LIN28B: variants seen among roughly 807,000 people sequenced by gnomAD.
LIN28B encodes the protein lin-28 RNA binding posttranscriptional regulator B, also known as protein lin-28 homolog B.
In LIN28B, 5 loss-of-function variants were observed where a neutral mutation model predicts 21.9. That is an observed-to-expected ratio of 0.23 (90% CI 0.12 to 0.48). LIN28B has a LOEUF of 0.48. LIN28B is among the 20% of genes least tolerant of loss of function. The probability of loss-of-function intolerance (pLI) is 0.98; values close to 1 mark genes in which losing one functional copy is unlikely to be tolerated. For missense variants in LIN28B, 245 were observed against 310.5 expected (o/e 0.79, Z 1.58); for synonymous variants, 109 against 111.3 (o/e 0.98, Z 0.13).
upstream of LIN28B, among the ~76,000 whole-genome samples, chr6:104,953,830 G>C (rs776344723): frequency 6.6e-6 from 1 of 152,146 alleles, no homozygotes; most frequent in African/African-American, 2.4e-5. Context: ...GTCACTTGCC[G>C]CATTGCCACA....
At chr6:105,041,121 A>G (rs1368819463) in intron 3 of LIN28B, among the ~76,000 whole-genome samples, 2 of 151,760 alleles carry the variant, frequency 1.3e-5, no homozygotes, top group African/African-American at 4.8e-5. Flanking sequence ...CATGTTGCCC[A>G]GGCTGTTCTT....
rs76024530 is a variant in LIN28B at position 105,045,200 on chromosome 6, A to G, written c.383+18718A>G. On this transcript the variant is annotated intron_variant, in intron 3 of 3. Coordinates refer to ENST00000345080, the MANE Select transcript of LIN28B (RefSeq NM_001004317.4). ...AGGTAAGCCTGTTTAAATCCTGAGT[A>G]TTCCTAAATCCACTCACTTATATTT... is the stretch of plus-strand genomic sequence containing the variant. Among the ~76,000 whole-genome samples, 720 of 151,462 alleles carry G rather than the reference A, an allele frequency of 4.8e-3. 7 individuals are homozygous for G. Among genetic ancestry groups the G allele is most frequent in the African/African-American group, 0.017 (690 of 41,270 alleles).
At chr6:105,032,573 A>T (rs1771446050) in intron 3 of LIN28B, among the ~76,000 whole-genome samples, 1 of 151,968 alleles carries the variant, frequency 6.6e-6, no homozygotes, top group Non-Finnish European at 1.5e-5. Flanking sequence ...AAAAGTAAAA[A>T]AATTAGCTGG....
intron 2 of LIN28B, among the ~76,000 whole-genome samples, chr6:104,938,200 T>A (rs570461961): frequency 6.6e-6 from 1 of 151,546 alleles, no homozygotes; most frequent in Non-Finnish European, 1.5e-5. Flanking sequence ...GCTAGGAAGG[T>A]ACTATTGTAC....
At chr6:105,065,076 A>G (rs1422564786) in intron 3 of LIN28B, among the ~76,000 whole-genome samples, 3 of 152,168 alleles carry the variant, frequency 2.0e-5, no homozygotes, top group African/African-American at 7.2e-5. Flanking sequence ...TCCCATACTT[A>G]CCTTCAGATT....
chr6:104,960,808 A>G (rs892115996), intron 2 of LIN28B, among the ~76,000 whole-genome samples: 1 of 152,156 alleles, frequency 6.6e-6, no homozygotes, highest in African/African-American at 2.4e-5. Flanking sequence ...GAATATATAT[A>G]TGTGTGTGTT....
chr6:105,078,384 C>G (rs1246305703), intron 3 of LIN28B, 30 bp from the exon 4 acceptor site: 1 of 1,568,790 alleles, frequency 6.4e-7, no homozygotes, highest in Non-Finnish European at 8.7e-7. Context: ...CTGCCTACTT[C>G]TAAGATGTTT....
At chr6:105,020,204 C>T (rs1216419262) in intron 2 of LIN28B, among the ~76,000 whole-genome samples, 1 of 148,460 alleles carries the variant, frequency 6.7e-6, no homozygotes, top group Non-Finnish European at 1.5e-5. Context: ...ACCTTGACCA[C>T]GGTTCAAGCA....
intron 3 of LIN28B, among the ~76,000 whole-genome samples, chr6:105,049,149 A>G (rs1771837481): frequency 6.6e-6 from 1 of 151,654 alleles, no homozygotes; most frequent in Non-Finnish European, 1.5e-5. Flanking sequence ...TGTGCTATAA[A>G]TTTCCCTCTA....
intron 3 of LIN28B, among the ~76,000 whole-genome samples, chr6:105,035,348 A>G (rs1301799816): frequency 1.3e-5 from 2 of 152,132 alleles, no homozygotes; most frequent in South Asian, 2.1e-4. Flanking sequence ...TTGTGTGATT[A>G]GATTTAGGAA....
intron 2 of LIN28B, among the ~76,000 whole-genome samples, chr6:104,994,789 A>G (rs549517958): frequency 6.6e-6 from 1 of 152,312 alleles, no homozygotes; most frequent in Admixed American, 6.5e-5. Context: ...TTGAAGAGGT[A>G]AGAGGGATGG....
At chr6:105,054,909 A>G (rs1411947425) in intron 3 of LIN28B, among the ~76,000 whole-genome samples, 4 of 128,442 alleles carry the variant, frequency 3.1e-5, no homozygotes, top group African/African-American at 1.2e-4. Flanking sequence ...AGATATCTTT[A>G]TTTTGACCTA....
At chr6:104,991,697 CG>C (rs1396739060) in intron 2 of LIN28B, among the ~76,000 whole-genome samples, 10 of 152,146 alleles carry the variant, frequency 6.6e-5, no homozygotes, top group African/African-American at 2.4e-4. Context: ...GCCGAGATCA[CG>C]CCACTGCACT....
intron 2 of LIN28B, among the ~76,000 whole-genome samples, chr6:104,941,696 T>G (rs1778096917): frequency 6.6e-6 from 1 of 152,130 alleles, no homozygotes; most frequent in Non-Finnish European, 1.5e-5. Context: ...GAATTAAAAT[T>G]AAGGATTTTG....
intron 2 of LIN28B, among the ~76,000 whole-genome samples, chr6:105,015,152 T>C (rs192332385): frequency 6.6e-6 from 1 of 152,244 alleles, no homozygotes; most frequent in Admixed American, 6.5e-5. Flanking sequence ...TGCTTGGAAT[T>C]TGTCTAATTC....
chr6:104,977,031 T>C (rs527480327), intron 2 of LIN28B, among the ~76,000 whole-genome samples: 3 of 151,844 alleles, frequency 2.0e-5, no homozygotes, highest in Non-Finnish European at 4.4e-5. Flanking sequence ...CTACTCCTTA[T>C]TTTTATTTTT....
At chr6:104,960,175 G>T (rs1769700732) in intron 2 of LIN28B, among the ~76,000 whole-genome samples, 1 of 151,974 alleles carries the variant, frequency 6.6e-6, no homozygotes, top group Non-Finnish European at 1.5e-5. Context: ...ATATTAAAAG[G>T]ACAGTATTAA....
At chr6:105,002,257 A>G (rs535048922) in intron 2 of LIN28B, among the ~76,000 whole-genome samples, 3 of 150,114 alleles carry the variant, frequency 2.0e-5, no homozygotes, top group Non-Finnish European at 2.9e-5. Context: ...CCTGTGGCAT[A>G]TAAGATCCTG....
chr6:104,970,578 A>G (rs570596859), intron 2 of LIN28B, among the ~76,000 whole-genome samples: 1 of 152,316 alleles, frequency 6.6e-6, no homozygotes, highest in Admixed American at 6.5e-5. Context: ...GATTTTTAAA[A>G]TAATACGGAC....
Sources: gnomAD v4.1 joint callset for allele counts (sites outside exome capture counted in the v4.1 genomes callset) on GRCh38, gnomAD v4.1.1 for gene constraint, MANE v1.5 for transcripts, NCBI Gene and HGNC (gene_info 2026-07-23, HGNC 2026-07-21) for gene names.